The following RLBP1 variants were observed in gnomAD, a reference collection of about 807,000 sequenced individuals.
RLBP1 encodes the protein retinaldehyde-binding protein 1.
A neutral mutation model predicts 36.2 loss-of-function variants in RLBP1; 26 were observed. The ratio of observed to expected loss-of-function variants is 0.72; its 90% CI spans 0.53 to 1.00. RLBP1 has a LOEUF of 1.00. Ranked by LOEUF, RLBP1 falls within the 50% of genes least tolerant of loss-of-function variation. The probability of loss-of-function intolerance (pLI) is 0.00; values close to 1 mark genes in which losing one functional copy is unlikely to be tolerated. For missense variants in RLBP1, 410 were observed against 402.4 expected (o/e 1.02, Z -0.16); for synonymous variants, 155 against 156.2 (o/e 0.99, Z 0.06).
intron 4 of RLBP1, among the ~76,000 whole-genome samples, chr15:89,217,930 CA>C (rs1677529410): frequency 6.6e-6 from 1 of 152,136 alleles, no homozygotes; most frequent in East Asian, 1.9e-4. Flanking sequence ...CCTTGGACAG[CA>C]TGAGGAGGGA....
Position 89,215,180 on chromosome 15 carries a change from A to G in RLBP1, c.405T>C (p.Ala135=). The G allele has an allele frequency of 6.2e-7, 1 of 1,614,214 alleles. No homozygotes were observed. Among genetic ancestry groups the G allele is most frequent in the Non-Finnish European group, 8.5e-7 (1 of 1,180,032 alleles). The change falls in exon 6 of 9, where the codon GCT becomes GCC. Residue 135 remains alanine, a synonymous_variant. Coordinates refer to ENST00000268125, the MANE Select transcript of RLBP1 (RefSeq NM_000326.5). ...PELFDSLSPE[A]VRCTIEAGYP... ...AGCCAGCTTCAATGGTGCAGCGGACAGCCTCTGGGGACAGGCTGTCAAAGA... is the reference window on the plus strand; with the variant it reads ...AGCCAGCTTCAATGGTGCAGCGGACGGCCTCTGGGGACAGGCTGTCAAAGA...
chr15:89,210,684 G>A lies in RLBP1; in HGVS notation c.795+15C>T, dbSNP rs181863443. 550 of 1,548,840 alleles carry A rather than the reference G, an allele frequency of 3.6e-4. 7 individuals carry two copies. The East Asian group carries it at 9.5e-3, about 27-fold the overall frequency. On this transcript the variant is annotated intron_variant, in intron 8 of 8. Coordinates refer to ENST00000268125, the MANE Select transcript of RLBP1 (RefSeq NM_000326.5). This position sits in a 1 kb window ranked among gnomAD's most constrained non-coding sequence, Gnocchi z 4.7. ...AGCCCTCTTGTCTCATTGTCTGGGC[G>A]GCCCACGTACTCACCCTCTCAAGCA...
rs372165007 is a variant in RLBP1 at position 89,210,431 on chromosome 15, C to T, written c.808G>A (p.Gly270Arg). 17 of 1,614,068 alleles carry T rather than the reference C, an allele frequency of 1.1e-5. No individual in the cohort carries two copies. The highest frequency in any genetic ancestry group is 4.5e-5 in the East Asian group (2 of 44,896). ...TGGTAGAAACCAGAAAGGTCATCCCCGTGGACAAAGACCTGCAGGGAAGCA... is the reference window on the plus strand; with the variant it reads ...TGGTAGAAACCAGAAAGGTCATCCCTGTGGACAAAGACCTGCAGGGAAGCA... ...SKLLERVFVH[G>R]DDLSGFYQEI... The change falls in exon 9 of 9, where the codon GGG (glycine) becomes AGG (arginine). Residue 270 changes from glycine to arginine, a missense_variant. Physicochemically the swap from Gly to Arg is moderately radical, Grantham distance 125 (BLOSUM62 -2). Transcript: ENST00000268125. The surrounding 1 kb of genome is among the most constrained non-coding windows in gnomAD (Gnocchi z 4.7).
intron 1 of RLBP1, among the ~76,000 whole-genome samples, chr15:89,220,485 A>T (rs995798909): frequency 2.6e-5 from 4 of 152,242 alleles, no homozygotes; most frequent in Admixed American, 1.3e-4. Flanking sequence ...GCACAAAGAG[A>T]CTTGGAGGAC....
At position 89,215,215 on chromosome 15, in the gene RLBP1, A is replaced by T. The variant is rs775130558; in HGVS notation, c.370T>A (p.Tyr124Asn). 6.2e-7 allele frequency: 1 copy of T among 1,614,010 alleles called. No homozygotes were observed. Among genetic ancestry groups the T allele is most frequent in the African/African-American group, 1.3e-5 (1 of 74,932 alleles). ...GACAGGCTGTCAAAGAGCTCAGGGT[A>T]CTGCAGCCGGAAATTCACATAGCCT... ...LRGYVNFRLQYPELFDSLSPE... is the reference protein window; with the variant it reads ...LRGYVNFRLQNPELFDSLSPE... The change falls in exon 6 of 9, where the codon TAC becomes AAC. Residue 124 changes from tyrosine to asparagine, a missense_variant. Coordinates refer to ENST00000268125, the MANE Select transcript of RLBP1 (RefSeq NM_000326.5).
rs2150971369 is a variant in RLBP1 at position 89,217,328 on chromosome 15, G to T, written c.142-4C>A. The T allele has an allele frequency of 6.2e-7, 1 of 1,603,612 alleles. No homozygotes were observed. The highest frequency in any genetic ancestry group is 1.3e-5 in the African/African-American group (1 of 75,036). ...TCTCGTTCAGCTCATCCTTGGCCTA[G>T]AACAGGGTGGGGTGTGCATGAAGTT... is the stretch of plus-strand genomic sequence containing the variant. On this transcript the variant is annotated splice_polypyrimidine_tract_variant and splice_region_variant and intron_variant, in intron 4 of 8. Transcript: ENST00000268125.
In RLBP1 at chr15:89,218,036, C is replaced by T. The variant is rs1212445416; in HGVS notation, c.141+529G>A. Among the ~76,000 whole-genome samples the T allele has an allele frequency of 6.6e-6, 1 of 152,218 alleles. No homozygotes were observed. The highest frequency in any genetic ancestry group is 1.5e-5 in the Non-Finnish European group (1 of 68,034). On this transcript the variant is annotated intron_variant, in intron 4 of 8. Coordinates refer to ENST00000268125, the MANE Select transcript of RLBP1 (RefSeq NM_000326.5). This position sits in a 1 kb window ranked among gnomAD's most constrained non-coding sequence, Gnocchi z 4.6. ...GAGATGGAAGCTGGGTGCCCAGGCT[C>T]AGCTCAGCCACTTCTCATCCTCCCC...
chr15:89,215,836 T>C (rs1457622815), intron 5 of RLBP1, among the ~76,000 whole-genome samples: 1 of 152,196 alleles, frequency 6.6e-6, no homozygotes, highest in Non-Finnish European at 1.5e-5. Context: ...TGCTCACTGC[T>C]CTGGAACACT....
At position 89,219,009 on chromosome 15, in the gene RLBP1, AG is replaced by A. The variant is rs750821113; in HGVS notation, c.-35del. 15 of 1,613,950 alleles carry A rather than the reference AG, an allele frequency of 9.3e-6. No individual in the cohort carries two copies. The South Asian group carries it at 1.6e-4, about 18-fold the overall frequency. The stretch of plus-strand genomic sequence containing the variant: ...TGGAAGACACAGAGTCCTTGGAAAA[AG>A]AAGGGATCTGCTTTCTCTGTCCTGG... On this transcript the variant is annotated 5_prime_UTR_variant, in exon 3 of 9. Transcript: ENST00000268125.
chr15:89,216,406 T>C (rs1436259476), intron 5 of RLBP1, among the ~76,000 whole-genome samples: 1 of 151,794 alleles, frequency 6.6e-6, no homozygotes, highest in Non-Finnish European at 1.5e-5. Context: ...CACCGCAACC[T>C]CTGCCTCCTG....
intron 5 of RLBP1, among the ~76,000 whole-genome samples, chr15:89,216,617 C>T (rs1386327564): frequency 6.6e-6 from 1 of 152,214 alleles, no homozygotes. Context: ...CCACCGCAAC[C>T]GGCCGATGAT....
At chr15:89,212,881 A>G (rs1056180338) in intron 6 of RLBP1, among the ~76,000 whole-genome samples, 1 of 151,770 alleles carries the variant, frequency 6.6e-6, no homozygotes, top group Non-Finnish European at 1.5e-5. Flanking sequence ...GGTGCCTGCC[A>G]CCATGCCTGG....
At chr15:89,215,268 CAG>C in intron 5 of RLBP1, 30 bp from the exon 6 acceptor site, 1 of 1,612,462 alleles carries the variant, frequency 6.2e-7, no homozygotes, top group Non-Finnish European at 8.5e-7. Flanking sequence ...GGAACCCCCT[CAG>C]GGAGCCATCC....
At position 89,214,849 on chromosome 15, in the gene RLBP1, C is replaced by T. The variant is rs763271394; in HGVS notation, c.525+211G>A. On this transcript the variant is annotated intron_variant, in intron 6 of 8. Transcript: ENST00000268125. The surrounding 1 kb of genome is among the most constrained non-coding windows in gnomAD (Gnocchi z 4.6). ...CCATGTATTATTGACCATCAAGCTC[C>T]ACCTGCAAAGCTACTGGGTTTTCCA... 4.9e-4 allele frequency among the ~76,000 whole-genome samples: 75 copies of T among 152,242 alleles called. 2 individuals carry two copies. Among genetic ancestry groups the T allele is most frequent in the Admixed American group, 2.6e-4 (4 of 15,290 alleles).
chr15:89,219,104 A>T lies in RLBP1; in HGVS notation c.-100-29T>A, dbSNP rs1318881095. ...CAGGGGTTAGAAAAACCATTCTGTT[A>T]TTGTCTCAGAACTGTGGATCTCAAA... On this transcript the variant is annotated intron_variant, in intron 2 of 8. Transcript: ENST00000268125. 2.8e-6 allele frequency: 3 copies of T among 1,056,292 alleles called. No homozygotes were observed. In the African/African-American group the frequency reaches 4.7e-5, roughly 16 times the overall value. 65.4% of individuals were successfully genotyped at this position (1,056,292 alleles called of 1,614,324 possible). A position where few individuals can be genotyped will look rare whatever the true frequency, so the allele number is the denominator to read the frequency against.
rs2051605115 is a variant in RLBP1, at chr15:89,218,928, T to G, written c.12+36A>C. 1.9e-6 allele frequency: 3 copies of G among 1,609,536 alleles called. No homozygotes were observed. Among genetic ancestry groups the G allele is most frequent in the Non-Finnish European group, 2.5e-6 (3 of 1,176,556 alleles). ...GGGAAGAGAGAGAAGAGAGGGAAGG[T>G]GGGTGGAGGAGAGCCCTGGAGGACA... On this transcript the variant is annotated intron_variant, in intron 3 of 8. Transcript: ENST00000268125. This position sits in a 1 kb window ranked among gnomAD's most constrained non-coding sequence, Gnocchi z 4.6.
intron 5 of RLBP1, among the ~76,000 whole-genome samples, chr15:89,215,707 C>T (rs189161338): frequency 6.2e-4 from 95 of 152,266 alleles, no homozygotes; most frequent in African/African-American, 2.2e-3. Context: ...AGCACCTCTA[C>T]GGTCCACAAA....
At chr15:89,215,534 A>G (rs2051573252) in intron 5 of RLBP1, among the ~76,000 whole-genome samples, 1 of 152,236 alleles carries the variant, frequency 6.6e-6, no homozygotes, top group Admixed American at 6.5e-5. Context: ...AGTCTTAAAT[A>G]TGAGGATAAT....
In RLBP1 at chr15:89,214,043, G is replaced by T. The variant is rs531855599; in HGVS notation, c.525+1017C>A. On this transcript the variant is annotated intron_variant, in intron 6 of 8. Coordinates refer to ENST00000268125, the MANE Select transcript of RLBP1 (RefSeq NM_000326.5). The surrounding 1 kb of genome is among the most constrained non-coding windows in gnomAD (Gnocchi z 4.6). ...ATAAAGAGACCAATGGAACAGAATA[G>T]AAAGTCCAGAAATAGACCAAGCACA... 2.7e-3 allele frequency among the ~76,000 whole-genome samples: 412 copies of T among 152,210 alleles called. 1 individual carries two copies. The highest frequency in any genetic ancestry group is 4.6e-3 in the Non-Finnish European group (312 of 68,014).
Sources: gnomAD v4.1 joint callset for allele counts (sites outside exome capture counted in the v4.1 genomes callset) on GRCh38, gnomAD v4.1.1 for gene constraint, Gnocchi (gnomAD v3.1) non-coding constraint, MANE v1.5 for transcripts, NCBI Gene and HGNC (gene_info 2026-07-23, HGNC 2026-07-21) for gene names.